SLC24A3: variants seen among roughly 807,000 people sequenced by gnomAD.
The protein encoded by SLC24A3 is solute carrier family 24 member 3.
SLC24A3 carries 28 observed loss-of-function variants against 75.8 expected under a neutral mutation model. The observed-to-expected ratio is 0.37, with a 90% confidence interval of 0.27 to 0.51. The LOEUF (loss-of-function observed/expected upper bound fraction) is 0.51, where lower values mean the gene tolerates loss of function less well. SLC24A3 is among the 20% of genes least tolerant of loss of function. The probability of loss-of-function intolerance (pLI) is 0.94; values close to 1 mark genes in which losing one functional copy is unlikely to be tolerated. For missense variants in SLC24A3, 663 were observed against 847.8 expected, an observed-to-expected ratio of 0.78 and a Z score of 2.71; for synonymous variants, 372 against 334.1, an observed-to-expected ratio of 1.11 and a Z score of -1.24.
At chr20:19,287,722 A>T (rs766636621) in intron 2 of SLC24A3, among the ~76,000 whole-genome samples, 1 of 152,240 alleles carries the variant, frequency 6.6e-6, no homozygotes, top group Non-Finnish European at 1.5e-5. Flanking sequence ...TGCAAATTGC[A>T]TCTTTTCTTT....
intron 2 of SLC24A3, among the ~76,000 whole-genome samples, chr20:19,409,841 G>GTA (rs921958418): frequency 6.9e-6 from 1 of 145,800 alleles, no homozygotes; most frequent in African/African-American, 2.7e-5. Flanking sequence ...ATATGTGTGT[G>GTA]TGTGTGTATA....
chr20:19,453,519 G>A (rs1421715226), intron 2 of SLC24A3, among the ~76,000 whole-genome samples: 1 of 152,166 alleles, frequency 6.6e-6, no homozygotes, highest in Non-Finnish European at 1.5e-5. Flanking sequence ...GCCTGACCAA[G>A]CTCTGGAGGT....
intron 12 of SLC24A3, among the ~76,000 whole-genome samples, chr20:19,689,095 A>C (rs1026520261): frequency 6.6e-6 from 1 of 152,234 alleles, no homozygotes; most frequent in Admixed American, 6.5e-5. Flanking sequence ...AAACCTTTTC[A>C]TGTGTATGTA....
chr20:19,700,582 A>G (rs2032859017), intron 15 of SLC24A3, among the ~76,000 whole-genome samples: 1 of 152,230 alleles, frequency 6.6e-6, no homozygotes. Context: ...TAGAGGATTA[A>G]ATGACAATCA....
Position 19,298,383 on chromosome 20 carries a change from G to T in SLC24A3, c.271+17296G>T, listed in dbSNP as rs1379370944. Among the ~76,000 whole-genome samples, 7 of 152,144 alleles carry T rather than the reference G, an allele frequency of 4.6e-5. 1 individual carries two copies. The highest frequency in any genetic ancestry group is 4.6e-4 in the Admixed American group (7 of 15,276). The stretch of plus-strand genomic sequence containing the variant: ...GGTTCCTGACACACAAGTTGATTTG[G>T]GGTGGATAACTTGAGATGCATAAAT... On this transcript the variant is annotated intron_variant, in intron 2 of 16. Transcript: ENST00000328041.
At chr20:19,503,291 T>A (rs1447376414) in intron 2 of SLC24A3, among the ~76,000 whole-genome samples, 1 of 152,180 alleles carries the variant, frequency 6.6e-6, no homozygotes, top group East Asian at 1.9e-4. Context: ...CAGAGCCCTG[T>A]GACAGTTCAA....
At chr20:19,455,767 G>T (rs1987567769) in intron 2 of SLC24A3, among the ~76,000 whole-genome samples, 1 of 152,160 alleles carries the variant, frequency 6.6e-6, no homozygotes, top group Non-Finnish European at 1.5e-5. Context: ...CTCCCTTACT[G>T]GTGCTTCCTC....
At chr20:19,518,420 C>T (rs1015442712) in intron 3 of SLC24A3, among the ~76,000 whole-genome samples, 2 of 152,186 alleles carry the variant, frequency 1.3e-5, no homozygotes, top group Admixed American at 6.5e-5. Context: ...GTCTATACAG[C>T]GTGCTGTGCT....
intron 6 of SLC24A3, among the ~76,000 whole-genome samples, chr20:19,601,253 G>A (rs1188092126): frequency 6.6e-6 from 1 of 152,158 alleles, no homozygotes; most frequent in Admixed American, 6.5e-5. Flanking sequence ...TCTGGGCGGT[G>A]GTCCCAATCC....
chr20:19,332,791 A>G (rs981086507), intron 2 of SLC24A3, among the ~76,000 whole-genome samples: 1 of 152,162 alleles, frequency 6.6e-6, no homozygotes, highest in Non-Finnish European at 1.5e-5. Context: ...GGATACTCTG[A>G]GGACACAGAG....
intron 2 of SLC24A3, among the ~76,000 whole-genome samples, chr20:19,310,840 A>G (rs543159198): frequency 6.6e-6 from 1 of 152,334 alleles, no homozygotes; most frequent in South Asian, 2.1e-4. Context: ...TTTTGGGGGA[A>G]AGGTCTAAAG....
At chr20:19,325,805 G>T (rs866227313) in intron 2 of SLC24A3, among the ~76,000 whole-genome samples, 1,177 of 77,748 alleles carry the variant, frequency 0.015, 2 homozygotes, top group Admixed American at 0.021. Context: ...TAGAGAGAGA[G>T]AGAGAGAGAG....
intron 15 of SLC24A3, among the ~76,000 whole-genome samples, chr20:19,708,776 A>ATTTT (rs2032957462): frequency 6.6e-6 from 1 of 152,182 alleles, no homozygotes; most frequent in Non-Finnish European, 1.5e-5. Flanking sequence ...ATTCAAACAG[A>ATTTT]GCTCCTGGGA....
chr20:19,568,526 A>G (rs1425050667), intron 3 of SLC24A3, among the ~76,000 whole-genome samples: 3 of 152,242 alleles, frequency 2.0e-5, no homozygotes, highest in Non-Finnish European at 4.4e-5. Context: ...GAAATATCAT[A>G]TGATTTTACT....
intron 3 of SLC24A3, among the ~76,000 whole-genome samples, chr20:19,556,159 C>A (rs1449521573): frequency 2.0e-5 from 3 of 152,010 alleles, no homozygotes. Flanking sequence ...CCCAAAGGCC[C>A]CACCTCCCAA....
At chr20:19,511,051 C>T (rs1318680292) in intron 2 of SLC24A3, among the ~76,000 whole-genome samples, 4 of 152,082 alleles carry the variant, frequency 2.6e-5, no homozygotes, top group Non-Finnish European at 4.4e-5. Flanking sequence ...TGGACGGAGC[C>T]CCCCACCCTG....
At chr20:19,361,430 A>G (rs1011470185) in intron 2 of SLC24A3, among the ~76,000 whole-genome samples, 1 of 152,174 alleles carries the variant, frequency 6.6e-6, no homozygotes, top group Non-Finnish European at 1.5e-5. Context: ...GAGACAGTTG[A>G]CTGCAGAGGG....
chr20:19,415,592 A>G (rs1986813277), intron 2 of SLC24A3, among the ~76,000 whole-genome samples: 1 of 152,158 alleles, frequency 6.6e-6, no homozygotes, highest in Non-Finnish European at 1.5e-5. Context: ...ACCAGAATGT[A>G]TACCTTAAAT....
intron 1 of SLC24A3, among the ~76,000 whole-genome samples, chr20:19,263,069 G>GTGTGTT (rs1568572258): frequency 6.8e-6 from 1 of 146,934 alleles, no homozygotes; most frequent in East Asian, 2.2e-4. Flanking sequence ...GTGTGTGTGT[G>GTGTGTT]TGTTTTCTGT....
Sources: allele counts gnomAD v4.1 joint callset (sites outside exome capture counted in the v4.1 genomes callset), GRCh38; gene constraint gnomAD v4.1.1; transcripts MANE v1.5; gene names NCBI Gene and HGNC (gene_info 2026-07-23, HGNC 2026-07-21).